Variants in CDH6 observed in about 807,000 individuals in gnomAD.
The protein encoded by CDH6 is cadherin 6.
CDH6 carries 31 observed loss-of-function variants against 78.0 expected under a neutral mutation model. The ratio of observed to expected loss-of-function variants is 0.40; its 90% CI spans 0.30 to 0.54. The LOEUF (loss-of-function observed/expected upper bound fraction) is 0.54, where lower values mean the gene tolerates loss of function less well. Among genes scored for constraint, CDH6 ranks in the 20% least tolerant of loss-of-function variants. CDH6 has a pLI of 0.56. For synonymous variants in CDH6, 376 were observed against 368.8 expected, an observed-to-expected ratio of 1.02 and a Z score of -0.23; for missense variants, 724 against 975.9, an observed-to-expected ratio of 0.74 and a Z score of 3.44.
In CDH6 at chr5:31,327,796, G is replaced by A. The variant is rs79743305; in HGVS notation, c.*4488G>A. Reference sequence around the variant, plus strand: ...TTCTCTACTAAAAATATCAGACCCCGACCATATTTAATGTGGAGAGCAATA... The same window carrying A: ...TTCTCTACTAAAAATATCAGACCCCAACCATATTTAATGTGGAGAGCAATA... On this transcript the variant is annotated 3_prime_UTR_variant, in exon 12 of 12. Transcript: ENST00000265071. The A allele has an allele frequency of 5.7e-5, 12 of 211,518 alleles. No individual in the cohort carries two copies. The East Asian group carries it at 5.7e-4, about 10-fold the overall frequency. 13.1% of individuals were successfully genotyped at this position (211,518 alleles called of 1,614,324 possible).
rs527847995 is a variant in CDH6 at position 31,324,878 on chromosome 5, A to G, written c.*1570A>G. 3 of 203,556 alleles carry G rather than the reference A, an allele frequency of 1.5e-5. No individual in the cohort carries two copies. The highest frequency in any genetic ancestry group is 7.6e-5 in the East Asian group (1 of 13,180). 12.6% of individuals were successfully genotyped at this position (203,556 alleles called of 1,614,324 possible). ...CAGTCATCAGAAATTCCAGCGTACT[A>G]TAATGAAAACATCCTTGTTTTGAAA... On this transcript the variant is annotated 3_prime_UTR_variant, in exon 12 of 12. Transcript: ENST00000265071.
rs1738543862 is a variant in CDH6, at chr5:31,323,791, A to T, written c.*483A>T. ...AGGGGTGTTTATTTGTGTCACAAAG[A>T]ATTTAAAATAACACTTGCCCATGCT... On this transcript the variant is annotated 3_prime_UTR_variant, in exon 12 of 12. Coordinates refer to ENST00000265071, the MANE Select transcript of CDH6 (RefSeq NM_004932.4). 1 of 231,768 alleles carries T rather than the reference A, an allele frequency of 4.3e-6. No homozygotes were observed. The highest frequency in any genetic ancestry group is 6.2e-5 in the East Asian group (1 of 16,232). 14.4% of individuals were successfully genotyped at this position (231,768 alleles called of 1,614,324 possible).
chr5:31,238,576 TAGTGAAAGA>T (rs1390460301), intron 1 of CDH6, among the ~76,000 whole-genome samples: 1 of 152,200 alleles, frequency 6.6e-6, no homozygotes, highest in African/African-American at 2.4e-5. Flanking sequence ...AGTAAGAAAG[TAGTGAAAGA>T]ATCATATGTG....
chr5:31,308,063 T>C (rs1236129036), intron 7 of CDH6, among the ~76,000 whole-genome samples: 1 of 152,138 alleles, frequency 6.6e-6, no homozygotes, highest in Non-Finnish European at 1.5e-5. Flanking sequence ...ATAAAATTCA[T>C]TCTTATATTA....
intron 1 of CDH6, among the ~76,000 whole-genome samples, chr5:31,264,995 G>A (rs112453258): frequency 1.4e-3 from 212 of 152,306 alleles, no homozygotes; most frequent in African/African-American, 4.6e-3. Context: ...CTTTTAAACA[G>A]CTGACACCTC....
intron 7 of CDH6, among the ~76,000 whole-genome samples, chr5:31,312,075 C>T (rs1738173747): frequency 6.6e-6 from 1 of 152,206 alleles, no homozygotes; most frequent in African/African-American, 2.4e-5. Context: ...GTTCCAGGCA[C>T]CACTGTGGTC....
chr5:31,240,448 G>A (rs1391767838), intron 1 of CDH6, among the ~76,000 whole-genome samples: 3 of 152,100 alleles, frequency 2.0e-5, no homozygotes, highest in Non-Finnish European at 4.4e-5. Flanking sequence ...GAAGCTCCCT[G>A]GCCTTTACTT....
intron 1 of CDH6, among the ~76,000 whole-genome samples, chr5:31,201,386 C>A (rs1167525415): frequency 6.6e-6 from 1 of 151,880 alleles, no homozygotes; most frequent in East Asian, 1.9e-4. Context: ...CAGTGATTCC[C>A]CAGGAGACCC....
In CDH6 at chr5:31,294,382, G is replaced by A. The variant is rs908907297; in HGVS notation, c.523+126G>A. 4 of 735,654 alleles carry A rather than the reference G, an allele frequency of 5.4e-6. No homozygotes were observed. The highest frequency in any genetic ancestry group is 5.0e-5 in the East Asian group (2 of 40,182). The allele number at this position is 735,654 out of a possible 1,614,324, so 45.6% of individuals were successfully genotyped here. ...ATGCTAACTTCTTCAATCCATGTAT[G>A]TCCTTTCTGTAAGTGCATATGTTTC... is the stretch of plus-strand genomic sequence containing the variant. On this transcript the variant is annotated intron_variant, in intron 3 of 11. Transcript: ENST00000265071. The surrounding 1 kb of genome is among the most constrained non-coding windows in gnomAD (Gnocchi z 4.1).
At chr5:31,320,584 C>G (rs1738454560) in intron 11 of CDH6, among the ~76,000 whole-genome samples, 1 of 152,238 alleles carries the variant, frequency 6.6e-6, no homozygotes, top group Non-Finnish European at 1.5e-5. Context: ...ACACTGGCAA[C>G]CAGTATGAAA....
intron 1 of CDH6, among the ~76,000 whole-genome samples, chr5:31,222,274 A>G (rs1304090674): frequency 6.6e-6 from 1 of 152,170 alleles, no homozygotes; most frequent in Non-Finnish European, 1.5e-5. Context: ...CTTAATGCCA[A>G]TTTTTCCTTA....
At chr5:31,251,699 G>C (rs1447550733) in intron 1 of CDH6, 1 of 152,140 alleles carries the variant, frequency 6.6e-6, no homozygotes, top group African/African-American at 2.4e-5. Context: ...TTGAAATGTA[G>C]AGAAAATGAC....
intron 1 of CDH6, among the ~76,000 whole-genome samples, chr5:31,258,350 C>T (rs564399305): frequency 1.2e-4 from 18 of 152,180 alleles, no homozygotes; most frequent in East Asian, 5.8e-4. Context: ...ACATGGATGA[C>T]GCTGGAAATC....
At chr5:31,276,561 T>C (rs938300520) in intron 2 of CDH6, among the ~76,000 whole-genome samples, 1 of 152,232 alleles carries the variant, frequency 6.6e-6, no homozygotes, top group African/African-American at 2.4e-5. Context: ...TGGGATTTAA[T>C]GCCCACTAGA....
chr5:31,208,368 A>C (rs1740598054), intron 1 of CDH6, among the ~76,000 whole-genome samples: 1 of 152,172 alleles, frequency 6.6e-6, no homozygotes, highest in South Asian at 2.1e-4. Context: ...GAGGGGTTTT[A>C]GACCCTGGAC....
In CDH6 at chr5:31,220,740, C is replaced by T. The variant is rs181260707; in HGVS notation, c.-129+26854C>T. On this transcript the variant is annotated intron_variant, in intron 1 of 11. Transcript: ENST00000265071. ...CTCTGATACAGAAGTTATAAAAAGC[C>T]TCTTCGTAACAGTGATATTTTATCC... 1.9e-4 allele frequency among the ~76,000 whole-genome samples: 29 copies of T among 152,240 alleles called. No homozygotes were observed. In the East Asian group the frequency reaches 4.8e-3, roughly 25 times the overall value.
chr5:31,274,636 A>G (rs918803534), intron 2 of CDH6, among the ~76,000 whole-genome samples: 1 of 152,242 alleles, frequency 6.6e-6, no homozygotes, highest in African/African-American at 2.4e-5. Flanking sequence ...CCTGGCCAAC[A>G]TGGCAAAACC....
At chr5:31,290,184 T>C (rs1028118460) in intron 2 of CDH6, among the ~76,000 whole-genome samples, 1 of 152,120 alleles carries the variant, frequency 6.6e-6, no homozygotes, top group Non-Finnish European at 1.5e-5. Context: ...TGCTTGAACC[T>C]GGAAGGCAGT....
At chr5:31,222,832 A>T (rs149719964) in intron 1 of CDH6, among the ~76,000 whole-genome samples, 1 of 152,148 alleles carries the variant, frequency 6.6e-6, no homozygotes, top group East Asian at 1.9e-4. Context: ...ACTATAAATT[A>T]TAGGTCATCT....
Sources: allele counts gnomAD v4.1 joint callset (sites outside exome capture counted in the v4.1 genomes callset), GRCh38; gene constraint gnomAD v4.1.1; non-coding constraint Gnocchi (gnomAD v3.1); transcripts MANE v1.5; gene names NCBI Gene and HGNC (gene_info 2026-07-23, HGNC 2026-07-21).